PLCE1: variants seen among roughly 807,000 people sequenced by gnomAD.
PLCE1 encodes phospholipase C epsilon 1, also known as 1-phosphatidylinositol 4,5-bisphosphate phosphodiesterase epsilon-1.
PLCE1 carries 119 observed loss-of-function variants against 242.8 expected under a neutral mutation model. That is an observed-to-expected ratio of 0.49 (90% CI 0.42 to 0.57). The LOEUF (loss-of-function observed/expected upper bound fraction) is 0.57. Among genes scored for constraint, PLCE1 ranks in the 20% least tolerant of loss-of-function variants. PLCE1 has a pLI of 0.00. For synonymous variants in PLCE1, 945 were observed against 1,017.4 expected, an observed-to-expected ratio of 0.93 and a Z score of 1.35; for missense variants, 2,441 against 2,788.8, an observed-to-expected ratio of 0.88 and a Z score of 2.81.
chr10:94,174,672 A>C (rs2048076042), intron 4 of PLCE1, among the ~76,000 whole-genome samples: 1 of 152,170 alleles, frequency 6.6e-6, no homozygotes, highest in Non-Finnish European at 1.5e-5. Context: ...AAAACACACC[A>C]CATAAATCTA....
At chr10:94,138,468 G>C (rs2046854163) in intron 3 of PLCE1, 1 of 441,654 alleles carries the variant, frequency 2.3e-6, no homozygotes, top group Admixed American at 2.6e-5. Flanking sequence ...AATGAATCCT[G>C]TGAGGCCATT....
At chr10:94,232,174 T>G (rs1473174851) in intron 5 of PLCE1, among the ~76,000 whole-genome samples, 2 of 152,182 alleles carry the variant, frequency 1.3e-5, no homozygotes, top group Non-Finnish European at 2.9e-5. Flanking sequence ...TCAACCACAT[T>G]GTTGATGTTT....
chr10:94,195,535 A>G (rs1315171125), intron 4 of PLCE1, among the ~76,000 whole-genome samples: 2 of 152,048 alleles, frequency 1.3e-5, no homozygotes, highest in Non-Finnish European at 2.9e-5. Context: ...GACACAACTC[A>G]TGTTGTAGGA....
At chr10:94,117,638 A>G (rs2046174831) in intron 2 of PLCE1, among the ~76,000 whole-genome samples, 3 of 152,212 alleles carry the variant, frequency 2.0e-5, no homozygotes, top group African/African-American at 7.2e-5. Flanking sequence ...CATGGTGGGT[A>G]TAAAAGAGAG....
intron 2 of PLCE1, among the ~76,000 whole-genome samples, chr10:94,079,363 G>A (rs909064663): frequency 1.3e-5 from 2 of 151,994 alleles, no homozygotes; most frequent in Non-Finnish European, 2.9e-5. Context: ...AAAGCATTGA[G>A]TTATATTTAT....
chr10:94,030,584 C>A (rs1218333814), intron 1 of PLCE1, among the ~76,000 whole-genome samples, 99 bp from the exon 2 acceptor site: 1 of 151,572 alleles, frequency 6.6e-6, no homozygotes, highest in Admixed American at 6.6e-5. Context: ...CAAAAAAAAA[C>A]CTTTTTTCTC....
chr10:93,998,423 TC>T (rs145052390), intron 1 of PLCE1, among the ~76,000 whole-genome samples: 44 of 152,280 alleles, frequency 2.9e-4, no homozygotes, highest in African/African-American at 1.0e-3. Context: ...CCCACCTGAC[TC>T]CCTGAATCCA....
chr10:94,150,136 G>A (rs183455213), intron 3 of PLCE1, among the ~76,000 whole-genome samples: 4 of 152,294 alleles, frequency 2.6e-5, no homozygotes, highest in East Asian at 3.9e-4. Flanking sequence ...GACAACCTCC[G>A]TGGAGGTCAT....
chr10:94,274,122 C>G (rs2051853825), intron 19 of PLCE1, among the ~76,000 whole-genome samples: 1 of 152,118 alleles, frequency 6.6e-6, no homozygotes, highest in South Asian at 2.1e-4. Flanking sequence ...GCCCTGTGAT[C>G]CCAGCGTATC....
At chr10:94,185,872 A>C (rs2048462066) in intron 4 of PLCE1, among the ~76,000 whole-genome samples, 1 of 152,198 alleles carries the variant, frequency 6.6e-6, no homozygotes, top group Non-Finnish European at 1.5e-5. Context: ...ACACTGATGA[A>C]GTTTTGGAGG....
At chr10:94,275,693 G>T (rs555274072) in intron 19 of PLCE1, among the ~76,000 whole-genome samples, 2 of 152,168 alleles carry the variant, frequency 1.3e-5, no homozygotes, top group South Asian at 4.2e-4. Context: ...AAAATTAGCT[G>T]GGCATGGTGG....
chr10:94,205,923 A>T (rs1038143980), intron 4 of PLCE1, among the ~76,000 whole-genome samples: 4 of 152,218 alleles, frequency 2.6e-5, no homozygotes, highest in African/African-American at 9.7e-5. Context: ...CTGAGTGCCC[A>T]CTGTGTGCCA....
intron 4 of PLCE1, among the ~76,000 whole-genome samples, chr10:94,180,913 A>T (rs928567588): frequency 6.6e-6 from 1 of 152,244 alleles, no homozygotes; most frequent in Non-Finnish European, 1.5e-5. Context: ...CAGGCTCAGA[A>T]CTATGAGAAA....
At chr10:94,258,105 C>A (rs2051165249) in intron 11 of PLCE1, among the ~76,000 whole-genome samples, 1 of 152,104 alleles carries the variant, frequency 6.6e-6, no homozygotes, top group South Asian at 2.1e-4. Flanking sequence ...TAATCCTAGT[C>A]AAAGCTGGCT....
At chr10:94,317,550 C>A (rs2053617742) in intron 29 of PLCE1, among the ~76,000 whole-genome samples, 1 of 152,114 alleles carries the variant, frequency 6.6e-6, no homozygotes, top group African/African-American at 2.4e-5. Context: ...AATAATATTT[C>A]TTTGAAAATA....
intron 2 of PLCE1, among the ~76,000 whole-genome samples, chr10:94,074,101 A>T (rs2044434053): frequency 1.3e-5 from 2 of 152,056 alleles, no homozygotes; most frequent in African/African-American, 2.4e-5. Flanking sequence ...GTGACCCATA[A>T]ATATCATTTC....
rs147749863 is a variant in PLCE1, at chr10:94,308,814, A to G, written c.6003+115A>G. 509 of 778,890 alleles carry G rather than the reference A, an allele frequency of 6.5e-4. 3 individuals carry two copies. The African/African-American group carries it at 7.5e-3, about 11-fold the overall frequency. The allele number at this position is 778,890 out of a possible 1,614,324, so 48.2% of individuals were successfully genotyped here. A position where few individuals can be genotyped will look rare whatever the true frequency, so the allele number is the denominator to read the frequency against. On this transcript the variant is annotated intron_variant, in intron 27 of 32. Coordinates refer to ENST00000371380, the MANE Select transcript of PLCE1 (RefSeq NM_016341.4). ...AGTTATTAATTAGGTAGCTATGGAA[A>G]TTAATAACAATAATGGCTGACACTT... is the stretch of plus-strand genomic sequence containing the variant.
chr10:94,135,424 T>A (rs1029580059), intron 3 of PLCE1, among the ~76,000 whole-genome samples: 1 of 152,030 alleles, frequency 6.6e-6, no homozygotes, highest in African/African-American at 2.4e-5. Context: ...GGTTGTGAGC[T>A]TTTTTTTCTT....
At chr10:94,025,441 G>A (rs1185271169) in intron 1 of PLCE1, among the ~76,000 whole-genome samples, 1 of 152,162 alleles carries the variant, frequency 6.6e-6, no homozygotes, top group African/African-American at 2.4e-5. Flanking sequence ...TCTGTGCTTA[G>A]AACATGCCTG....
Sources: gnomAD v4.1 joint callset for allele counts (sites outside exome capture counted in the v4.1 genomes callset) on GRCh38, gnomAD v4.1.1 for gene constraint, MANE v1.5 for transcripts, NCBI Gene and HGNC (gene_info 2026-07-23, HGNC 2026-07-21) for gene names.